The following SLC8A3 variants were observed in gnomAD, a reference collection of about 807,000 sequenced individuals.
SLC8A3 encodes solute carrier family 8 member A3.
A neutral mutation model predicts 65.4 loss-of-function variants in SLC8A3; 37 were observed. That is an observed-to-expected ratio of 0.57 (90% confidence interval 0.44 to 0.74). SLC8A3 has a LOEUF of 0.74. SLC8A3 is among the 30% of genes least tolerant of loss of function. The pLI is 0.00. For missense variants in SLC8A3, 1,112 were observed against 1,172.1 expected (o/e 0.95, Z 0.75); for synonymous variants, 461 against 444.5 (o/e 1.04, Z -0.47).
At chr14:70,115,140 G>A (rs1893569553) in intron 2 of SLC8A3, among the ~76,000 whole-genome samples, 1 of 152,180 alleles carries the variant, frequency 6.6e-6, no homozygotes, top group Admixed American at 6.5e-5. Context: ...AGGAGCTGAG[G>A]CCCCACGAGA....
At chr14:70,179,768 A>G (rs8020699) in intron 1 of SLC8A3, among the ~76,000 whole-genome samples, 104,597 of 152,082 alleles carry the variant, frequency 0.69, 36,150 homozygotes, top group Admixed American at 0.72. Flanking sequence ...TAAATATTAA[A>G]CAATGCTATG....
At chr14:70,189,360 G>A (rs944083928), upstream of SLC8A3, among the ~76,000 whole-genome samples, 1 of 152,130 alleles carries the variant, frequency 6.6e-6, no homozygotes, top group Non-Finnish European at 1.5e-5. Flanking sequence ...GCGCGGCACC[G>A]GCTTTCCCCT....
intron 2 of SLC8A3, among the ~76,000 whole-genome samples, chr14:70,132,852 C>T (rs777184455): frequency 1.3e-5 from 2 of 152,184 alleles, no homozygotes; most frequent in African/African-American, 2.4e-5. Context: ...TGGGGATTCA[C>T]TACATGACAG....
At chr14:70,120,845 G>A (rs1355417477) in intron 2 of SLC8A3, among the ~76,000 whole-genome samples, 2 of 152,188 alleles carry the variant, frequency 1.3e-5, no homozygotes, top group Non-Finnish European at 2.9e-5. Flanking sequence ...GAGGCACAGT[G>A]ATCTTTAAGA....
At chr14:70,185,783 C>G (rs1479767102) in intron 1 of SLC8A3, among the ~76,000 whole-genome samples, 1 of 152,162 alleles carries the variant, frequency 6.6e-6, no homozygotes, top group African/African-American at 2.4e-5. Flanking sequence ...ATTACTTAAT[C>G]ACATACATAA....
At chr14:70,171,770 C>T (rs1897554303) in intron 1 of SLC8A3, among the ~76,000 whole-genome samples, 1 of 152,086 alleles carries the variant, frequency 6.6e-6, no homozygotes, top group Non-Finnish European at 1.5e-5. Context: ...ATTGCACTCC[C>T]ACCCGGGCAA....
intron 2 of SLC8A3, among the ~76,000 whole-genome samples, chr14:70,112,838 C>T (rs1026299773): frequency 7.2e-5 from 11 of 152,130 alleles, no homozygotes; most frequent in Non-Finnish European, 1.2e-4. Context: ...TTGTAGATGC[C>T]TCACTCCAGT....
chr14:70,070,765 T>C (rs900796769), intron 2 of SLC8A3, among the ~76,000 whole-genome samples: 2 of 152,176 alleles, frequency 1.3e-5, no homozygotes, highest in South Asian at 4.1e-4. Flanking sequence ...GATTCCTGCA[T>C]GCTACAGGAG....
chr14:70,149,690 C>T (rs1482377337), intron 2 of SLC8A3, among the ~76,000 whole-genome samples: 1 of 152,226 alleles, frequency 6.6e-6, no homozygotes, highest in Non-Finnish European at 1.5e-5. Context: ...CAGAGTCCCA[C>T]TGGCAAGTGA....
rs1308210119 is a variant in SLC8A3 at position 70,167,655 on chromosome 14, G to C, written c.768C>G (p.Leu256=). 6.2e-7 allele frequency: 1 copy of C among 1,614,154 alleles called. No homozygotes were observed. Residue 256 remains leucine (L), a synonymous_variant, in exon 2 of 7, where the codon CTC becomes CTG. Transcript: ENST00000356921. The part of the protein sequence containing the change: ...LLAWVADKRL[L]FYKYMHKKYR... ...ACTTTTTGTGCATGTATTTGTAGAA[G>C]AGCAGTCGTTTATCTGCCACCCAGG... is the stretch of plus-strand genomic sequence containing the variant.
chr14:70,096,639 T>C (rs1222043010), intron 2 of SLC8A3, among the ~76,000 whole-genome samples: 1 of 152,216 alleles, frequency 6.6e-6, no homozygotes, highest in South Asian at 2.1e-4. Context: ...AGTTTACTCA[T>C]GTATCAAATG....
intron 2 of SLC8A3, among the ~76,000 whole-genome samples, chr14:70,079,726 T>G (rs1481580288): frequency 1.3e-5 from 2 of 151,960 alleles, no homozygotes; most frequent in African/African-American, 4.8e-5. Flanking sequence ...GAAACACAGG[T>G]GCTGCTTAGA....
intron 1 of SLC8A3, among the ~76,000 whole-genome samples, chr14:70,169,901 C>T (rs956432242): frequency 2.0e-5 from 3 of 151,802 alleles, no homozygotes; most frequent in Non-Finnish European, 4.4e-5. Flanking sequence ...AGTCTGAAAG[C>T]CTTCATCTCT....
chr14:70,068,321 A>G (rs1889667279), intron 2 of SLC8A3, among the ~76,000 whole-genome samples: 1 of 152,202 alleles, frequency 6.6e-6, no homozygotes, highest in Non-Finnish European at 1.5e-5. Context: ...AAGATAATAT[A>G]TATGCTTACA....
Position 70,046,542 on chromosome 14 carries a change from A to G in SLC8A3, c.2390-219T>C, listed in dbSNP as rs569177981. The G allele has an allele frequency of 6.0e-5, 31 of 513,888 alleles. No homozygotes were observed. Among genetic ancestry groups the G allele is most frequent in the Non-Finnish European group, 8.6e-5 (25 of 290,160 alleles). The allele number at this position is 513,888 out of a possible 1,614,324, so 31.8% of individuals were successfully genotyped here. A position where few individuals can be genotyped will look rare whatever the true frequency, so the allele number is the denominator to read the frequency against. On this transcript the variant is annotated intron_variant, in intron 6 of 6. Coordinates refer to ENST00000356921, the MANE Select transcript of SLC8A3 (RefSeq NM_182932.3). The surrounding 1 kb of genome is among the most constrained non-coding windows in gnomAD (Gnocchi z 4.2). ...TCTGGGCTTCCCATTCCTCATCTGC[A>G]GTGATCTGAAAGATTCTGAAGGGCT... is the stretch of plus-strand genomic sequence containing the variant.
At chr14:70,079,978 C>T (rs1037175078) in intron 2 of SLC8A3, 40 of 513,646 alleles carry the variant, frequency 7.8e-5, no homozygotes, top group Non-Finnish European at 9.0e-5. Context: ...TTTGAGCTTC[C>T]GTTTCTTCAG....
intron 1 of SLC8A3, among the ~76,000 whole-genome samples, chr14:70,187,936 A>T (rs1883469608): frequency 6.6e-6 from 1 of 152,112 alleles, no homozygotes; most frequent in African/African-American, 2.4e-5. Context: ...GGACACTCAC[A>T]GCACCAGAAG....
chr14:70,093,901 A>C (rs946654423), intron 2 of SLC8A3, among the ~76,000 whole-genome samples: 1 of 152,198 alleles, frequency 6.6e-6, no homozygotes, highest in African/African-American at 2.4e-5. Context: ...AGTTGGGCTG[A>C]ACCTCAATGA....
rs200885544 is a variant in SLC8A3 at position 70,060,918 on chromosome 14, T to C, written c.1806A>G (p.Ile602Met). The change falls in exon 3 of 7, where the codon ATA becomes ATG. Residue 602 changes from isoleucine to methionine, a missense_variant. Physicochemically the swap from Ile to Met is conservative, Grantham distance 10. Transcript: ENST00000356921. ...GCCTTTCGTATTCCTCCTCATCTAC[T>C]ATTTTAACCCTTATGGTTTTCCTGT... ...DETVKTIRVKIVDEEEYERQE... is the reference protein window; with the variant it reads ...DETVKTIRVKMVDEEEYERQE... The C allele has an allele frequency of 4.6e-6, 7 of 1,509,796 alleles. No individual in the cohort carries two copies. The highest frequency in any genetic ancestry group is 1.4e-5 in the African/African-American group (1 of 71,500). The allele number at this position is 1,509,796 out of a possible 1,614,324, so 93.5% of individuals were successfully genotyped here.
Sources: allele counts gnomAD v4.1 joint callset (sites outside exome capture counted in the v4.1 genomes callset), GRCh38; gene constraint gnomAD v4.1.1; non-coding constraint Gnocchi (gnomAD v3.1); transcripts MANE v1.5; gene names NCBI Gene and HGNC (gene_info 2026-07-23, HGNC 2026-07-21).